DYSF: variants seen among roughly 807,000 people sequenced by gnomAD.
DYSF encodes dysferlin.
A neutral mutation model predicts 274.9 loss-of-function variants in DYSF; 212 were observed. That is an observed-to-expected ratio of 0.77 (90% CI 0.69 to 0.86). DYSF has a LOEUF of 0.86. Ranked by LOEUF, DYSF falls within the 40% of genes least tolerant of loss-of-function variation. The probability of loss-of-function intolerance (pLI) is 0.00; values close to 1 mark genes in which losing one functional copy is unlikely to be tolerated. For missense variants in DYSF, 2,666 were observed against 2,783.2 expected (o/e 0.96, Z 0.95); for synonymous variants, 1,091 against 1,078.7 (o/e 1.01, Z -0.22).
intron 8 of DYSF, 82 bp from the exon 9 acceptor site, chr2:71,516,098 G>A: frequency 7.3e-7 from 1 of 1,370,260 alleles, no homozygotes; most frequent in Non-Finnish European, 1.0e-6. Flanking sequence ...AGGCGTGGAG[G>A]CTTGGGGGTG....
chr2:71,499,373 G>T (rs1306580650), intron 3 of DYSF, among the ~76,000 whole-genome samples: 3 of 152,158 alleles, frequency 2.0e-5, no homozygotes, highest in African/African-American at 7.2e-5. Flanking sequence ...TTATTTACCT[G>T]TCGTCTATGA....
chr2:71,567,407 C>T (rs975632328), intron 24 of DYSF, among the ~76,000 whole-genome samples: 34 of 152,196 alleles, frequency 2.2e-4, no homozygotes, highest in Admixed American at 2.1e-3. Context: ...AGTTTTAGAA[C>T]TGTGCTGTCC....
intron 43 of DYSF, among the ~76,000 whole-genome samples, chr2:71,657,645 G>A (rs547703916): frequency 2.2e-4 from 34 of 152,262 alleles, no homozygotes; most frequent in Non-Finnish European, 3.2e-4. Context: ...CTTGACTTCC[G>A]TGCACCCACA....
At chr2:71,673,414 C>T (rs998397619) in intron 51 of DYSF, among the ~76,000 whole-genome samples, 2 of 152,116 alleles carry the variant, frequency 1.3e-5, no homozygotes, top group African/African-American at 4.8e-5. Flanking sequence ...AGAAGGGCCC[C>T]TCCTCTCCTT....
At chr2:71,513,660 A>G in intron 6 of DYSF, 56 bp from the exon 7 acceptor site, 1 of 1,587,936 alleles carries the variant, frequency 6.3e-7, no homozygotes, top group Non-Finnish European at 8.6e-7. Context: ...TCCCAGGGGC[A>G]GGGGCAGGGG....
intron 45 of DYSF, among the ~76,000 whole-genome samples, 185 bp from the exon 46 acceptor site, chr2:71,664,083 T>C (rs1385777214): frequency 6.6e-6 from 1 of 152,180 alleles, no homozygotes; most frequent in East Asian, 1.9e-4. Context: ...GAAAGTCCTG[T>C]CCCCCTTCCC....
chr2:71,540,117 T>C (rs1415695954), intron 17 of DYSF, among the ~76,000 whole-genome samples: 1 of 150,066 alleles, frequency 6.7e-6, no homozygotes. Context: ...TTTTTTTCTT[T>C]TTTTTTTTTT....
chr2:71,621,836 T>G (rs1486855854), intron 41 of DYSF, among the ~76,000 whole-genome samples: 2 of 151,996 alleles, frequency 1.3e-5, no homozygotes, highest in Non-Finnish European at 2.9e-5. Flanking sequence ...ATTTTTTGTA[T>G]TTTTAGTAGA....
At chr2:71,561,668 T>G in intron 22 of DYSF, 84 bp from the exon 23 acceptor site, 2 of 1,549,048 alleles carry the variant, frequency 1.3e-6, no homozygotes, top group Non-Finnish European at 1.8e-6. Flanking sequence ...TGGGGCCTGC[T>G]GTGAGAACCT....
chr2:71,627,382 T>A (rs1323144846), intron 41 of DYSF, among the ~76,000 whole-genome samples: 1 of 152,100 alleles, frequency 6.6e-6, no homozygotes, highest in Admixed American at 6.5e-5. Flanking sequence ...TACTAACTTA[T>A]ATTTTAAATT....
At chr2:71,455,940 G>A (rs1425901300) in intron 1 of DYSF, among the ~76,000 whole-genome samples, 3 of 152,134 alleles carry the variant, frequency 2.0e-5, no homozygotes, top group Non-Finnish European at 1.5e-5. Context: ...CAGACCTCTG[G>A]TTGGAGAAAG....
rs144675204 is a variant in DYSF, at chr2:71,553,013, G to T, written c.1809G>T (p.Lys603Asn). 9.9e-6 allele frequency: 16 copies of T among 1,614,180 alleles called. No homozygotes were observed. The highest frequency in any genetic ancestry group is 1.4e-5 in the Non-Finnish European group (16 of 1,180,034). ...TCTGGTCTACTCTCTGCTCTCAGAA[G>T]TACCTTAGGAGGCGCAAGTACTCCC... ...LPADDILRVE[K>N]YLRRRKYSLF... The change falls in exon 20 of 56, where the codon AAG becomes AAT. Residue 603 changes from lysine to asparagine, a missense_variant and splice_region_variant. Transcript: ENST00000410020.
chr2:71,513,107 G>T, intron 5 of DYSF, 133 bp from the exon 6 acceptor site: 1 of 839,246 alleles, frequency 1.2e-6, no homozygotes. Context: ...GGGCTCCACA[G>T]CTATTTCTGA....
chr2:71,513,062 C>T (rs574462571), intron 5 of DYSF, among the ~76,000 whole-genome samples, 178 bp from the exon 6 acceptor site: 7 of 152,126 alleles, frequency 4.6e-5, no homozygotes, highest in African/African-American at 1.2e-4. Context: ...CTTCCAGACA[C>T]GCCTGGGAGG....
At chr2:71,653,704 A>C (rs1235937509) in intron 42 of DYSF, among the ~76,000 whole-genome samples, 1 of 151,648 alleles carries the variant, frequency 6.6e-6, no homozygotes, top group Non-Finnish European at 1.5e-5. Context: ...AGATACACCT[A>C]ATGTTAAATG....
At chr2:71,495,785 C>T (rs989804094) in intron 3 of DYSF, among the ~76,000 whole-genome samples, 2 of 152,080 alleles carry the variant, frequency 1.3e-5, no homozygotes, top group Admixed American at 6.5e-5. Flanking sequence ...GGGGAAGGCC[C>T]GGAGTCACTG....
At chr2:71,679,371 C>CCT (rs1267583090) in intron 53 of DYSF, 136 bp downstream of exon 53, 5 of 886,562 alleles carry the variant, frequency 5.6e-6, no homozygotes, top group Non-Finnish European at 6.9e-6. Context: ...CCCCATCCCC[C>CCT]CTCTCTCTCT....
At chr2:71,492,000 G>A (rs1452762259) in intron 3 of DYSF, among the ~76,000 whole-genome samples, 1 of 152,188 alleles carries the variant, frequency 6.6e-6, no homozygotes, top group African/African-American at 2.4e-5. Flanking sequence ...GCATGCTTGG[G>A]AGGCTGTTTT....
At chr2:71,660,172 A>T (rs2094852182) in intron 44 of DYSF, among the ~76,000 whole-genome samples, 1 of 152,224 alleles carries the variant, frequency 6.6e-6, no homozygotes, top group East Asian at 1.9e-4. Context: ...GGGCTAGCCT[A>T]GGCTGACATA....
Sources: gnomAD v4.1 joint callset for allele counts (sites outside exome capture counted in the v4.1 genomes callset) on GRCh38, gnomAD v4.1.1 for gene constraint, MANE v1.5 for transcripts, NCBI Gene and HGNC (gene_info 2026-07-23, HGNC 2026-07-21) for gene names.